The following TTC6 variants were observed in gnomAD, a reference collection of about 807,000 sequenced individuals.
The protein encoded by TTC6 is tetratricopeptide repeat domain 6.
TTC6 carries 172 observed loss-of-function variants against 210.4 expected under a neutral mutation model. The ratio of observed to expected loss-of-function variants is 0.82; its 90% confidence interval spans 0.72 to 0.93. The LOEUF (loss-of-function observed/expected upper bound fraction) is 0.93. Among genes scored for constraint, TTC6 ranks in the 40% least tolerant of loss-of-function variants. The pLI is 0.00. For synonymous variants in TTC6, 804 were observed against 819.6 expected (o/e 0.98, Z 0.32); for missense variants, 2,414 against 2,318.1 (o/e 1.04, Z -0.85).
chr14:37,618,430 C>T (rs1391943359), upstream of TTC6, among the ~76,000 whole-genome samples: 1 of 152,140 alleles, frequency 6.6e-6, no homozygotes, highest in African/African-American at 2.4e-5. Flanking sequence ...ACATAATCAA[C>T]CTGGTTTGTG....
At chr14:37,769,274 G>T (rs1296783211) in intron 14 of TTC6, among the ~76,000 whole-genome samples, 4 of 151,604 alleles carry the variant, frequency 2.6e-5, no homozygotes, top group African/African-American at 4.9e-5. Context: ...TTTTTTGATT[G>T]TGTCTCTGCC....
upstream of TTC6, among the ~76,000 whole-genome samples, chr14:37,620,816 C>T (rs1310482103): frequency 1.3e-5 from 2 of 152,186 alleles, no homozygotes; most frequent in East Asian, 1.9e-4. Context: ...TGCTCCCATT[C>T]ATTCCTAATC....
chr14:37,751,174 T>A, exon 13 of TTC6: 1 of 1,530,292 alleles, frequency 6.5e-7, no homozygotes, highest in Non-Finnish European at 8.7e-7. Flanking sequence ...TCAGGAGGGG[T>A]GAGATGTATG....
chr14:37,732,820 A>G (rs34028095), intron 7 of TTC6, among the ~76,000 whole-genome samples: 60,128 of 151,498 alleles, frequency 0.4, 12,649 homozygotes, highest in Admixed American at 0.47. Flanking sequence ...GGGTTTCACC[A>G]TGGCTTCAAT....
chr14:37,666,817 CT>C (rs1566874783), intron 1 of TTC6, among the ~76,000 whole-genome samples: 1 of 150,322 alleles, frequency 6.7e-6, no homozygotes, highest in African/African-American at 2.4e-5. Context: ...CAAAGTTACA[CT>C]GTGGGCTGGG....
chr14:37,601,296 T>G (rs1228765394), intron 1 of TTC6, among the ~76,000 whole-genome samples: 1 of 152,210 alleles, frequency 6.6e-6, no homozygotes, highest in East Asian at 1.9e-4. Context: ...ATTTTTCATT[T>G]TTTTTCTCTC....
At chr14:37,804,745 C>T (rs200236479) in exon 21 of TTC6, 38 of 1,614,046 alleles carry the variant, frequency 2.4e-5, no homozygotes, top group Admixed American at 5.0e-5. Context: ...GACCAGATGC[C>T]ACAGCAATTT....
intron 6 of TTC6, among the ~76,000 whole-genome samples, chr14:37,723,297 C>T (rs2138820341): frequency 6.6e-6 from 1 of 152,242 alleles, no homozygotes; most frequent in East Asian, 1.9e-4. Context: ...AAACTAAGAT[C>T]CAGGCAGTAG....
At chr14:37,681,718 C>A (rs1337722193) in intron 2 of TTC6, among the ~76,000 whole-genome samples, 1 of 152,076 alleles carries the variant, frequency 6.6e-6, no homozygotes, top group Non-Finnish European at 1.5e-5. Flanking sequence ...GGCTTTTGGG[C>A]CTTTGGCCAC....
intron 10 of TTC6, among the ~76,000 whole-genome samples, chr14:37,739,902 C>G: frequency 6.6e-6 from 1 of 151,388 alleles, no homozygotes; most frequent in African/African-American, 2.4e-5. Flanking sequence ...AGTGACTCAC[C>G]CTTGTAATCC....
intron 14 of TTC6, 148 bp from the exon 17 acceptor site, chr14:37,787,320 G>C: frequency 1.9e-6 from 1 of 538,990 alleles, no homozygotes. Flanking sequence ...TATCATTTTT[G>C]CTGTTAACAT....
At chr14:37,806,692 C>G (rs1287663838) in intron 22 of TTC6, among the ~76,000 whole-genome samples, 182 bp downstream of exon 24, 3 of 152,140 alleles carry the variant, frequency 2.0e-5, no homozygotes, top group Non-Finnish European at 4.4e-5. Flanking sequence ...TTATTTCCAT[C>G]AGTGATATTC....
intron 17 of TTC6, among the ~76,000 whole-genome samples, chr14:37,794,653 T>C (rs1412909138): frequency 6.6e-6 from 1 of 152,206 alleles, no homozygotes; most frequent in African/African-American, 2.4e-5. Context: ...ACTTAATTTT[T>C]GTGCAGGCCT....
At chr14:37,808,817 T>A (rs755465070) in exon 24 of TTC6, 1 of 1,544,018 alleles carries the variant, frequency 6.5e-7, no homozygotes, top group East Asian at 2.5e-5. Context: ...CAGAGCATTA[T>A]GTTACACCAA....
At chr14:37,719,387 G>A (rs911225598) in intron 6 of TTC6, among the ~76,000 whole-genome samples, 1 of 151,864 alleles carries the variant, frequency 6.6e-6, no homozygotes, top group Non-Finnish European at 1.5e-5. Flanking sequence ...TGCAAAGAAA[G>A]TAGAGCTAAA....
At chr14:37,804,493 T>G (rs1485047899) in intron 20 of TTC6, among the ~76,000 whole-genome samples, 187 bp from the exon 23 acceptor site, 3 of 152,198 alleles carry the variant, frequency 2.0e-5, no homozygotes, top group Non-Finnish European at 2.9e-5. Flanking sequence ...GGGTAAGACT[T>G]CTGAACTGGG....
chr14:37,611,668 G>A (rs1293450002), intron 2 of TTC6, among the ~76,000 whole-genome samples: 2 of 152,122 alleles, frequency 1.3e-5, no homozygotes, highest in Admixed American at 6.5e-5. Flanking sequence ...AAGAGGCTAG[G>A]AAGGAGAAAG....
intron 1 of TTC6, among the ~76,000 whole-genome samples, chr14:37,605,053 G>A (rs1272225501): frequency 6.6e-6 from 1 of 152,170 alleles, no homozygotes; most frequent in Non-Finnish European, 1.5e-5. Context: ...AGACTTAAAT[G>A]TTACCTTGCA....
intron 3 of TTC6, among the ~76,000 whole-genome samples, chr14:37,691,670 G>A (rs777789117): frequency 6.6e-6 from 1 of 152,144 alleles, no homozygotes; most frequent in East Asian, 1.9e-4. Context: ...CCAAAAATTA[G>A]TGGAAGCAAA....
Sources: allele counts gnomAD v4.1 joint callset (sites outside exome capture counted in the v4.1 genomes callset), GRCh38; gene constraint gnomAD v4.1.1; transcripts MANE v1.5; gene names NCBI Gene and HGNC (gene_info 2026-07-23, HGNC 2026-07-21).